The following TRIM37 variants were observed in gnomAD, a reference collection of about 807,000 sequenced individuals.
TRIM37 encodes E3 ubiquitin-protein ligase TRIM37.
TRIM37 carries 80 observed loss-of-function variants against 129.8 expected under a neutral mutation model. The ratio of observed to expected loss-of-function variants is 0.62; its 90% CI spans 0.51 to 0.74. The LOEUF is 0.74. TRIM37 is among the 30% of genes least tolerant of loss of function. TRIM37 has a pLI of 0.00. For missense variants in TRIM37, 1,054 were observed against 1,176.5 expected (o/e 0.90, Z 1.52); for synonymous variants, 389 against 387.1 (o/e 1.00, Z -0.06).
rs78630697 is a variant in TRIM37 at position 59,036,755 on chromosome 17, A to C, written c.1754-4665T>G. Among the ~76,000 whole-genome samples, 134 of 152,198 alleles carry C rather than the reference A, an allele frequency of 8.8e-4. 5 individuals are homozygous for C. In the East Asian group the frequency reaches 0.025, roughly 28 times the overall value. ...ATATAAGCCCAATCATCCCCTTTTT[A>C]ACGCATAACTTAACATCGTAATTCT... is the stretch of plus-strand genomic sequence containing the variant. On this transcript the variant is annotated intron_variant, in intron 17 of 23. Coordinates refer to ENST00000262294, the MANE Select transcript of TRIM37 (RefSeq NM_015294.6).
downstream of TRIM37, chr17:58,982,562 G>A (rs777531778): frequency 1.3e-5 from 3 of 239,706 alleles, no homozygotes; most frequent in Non-Finnish European, 1.6e-5. Context: ...TAAAATCTCT[G>A]AATTTTAAAG....
At chr17:59,069,371 T>C (rs2042181087) in intron 9 of TRIM37, among the ~76,000 whole-genome samples, 1 of 150,992 alleles carries the variant, frequency 6.6e-6, no homozygotes, top group African/African-American at 2.4e-5. Context: ...AAATAATAAA[T>C]TAAAAAAATA....
At chr17:58,972,230 G>C in the TRIM37 span, 1 of 1,614,130 alleles carries the variant, frequency 6.2e-7, no homozygotes. Flanking sequence ...TTGTGAGAAA[G>C]GGCCAAGCTG....
chr17:59,082,198 G>A (rs909265464), intron 5 of TRIM37, among the ~76,000 whole-genome samples: 2 of 152,066 alleles, frequency 1.3e-5, no homozygotes, highest in Non-Finnish European at 2.9e-5. Context: ...TTGAAGCCGG[G>A]AGGCGGAGGT....
At chr17:58,980,945 A>G (rs760208338), downstream of TRIM37, 21 of 1,614,098 alleles carry the variant, frequency 1.3e-5, no homozygotes, top group Non-Finnish European at 1.8e-5. This position sits in a 1 kb window ranked among gnomAD's most constrained non-coding sequence, Gnocchi z 4.7. Context: ...AAATAGTTGG[A>G]AAGGGTACAG....
chr17:59,101,761 C>T (rs551449111), intron 2 of TRIM37, among the ~76,000 whole-genome samples: 1 of 145,916 alleles, frequency 6.9e-6, no homozygotes, highest in South Asian at 2.2e-4. Context: ...CATATATACA[C>T]ACACATATAT....
chr17:58,984,607 CA>C (rs2031624342), intron 24 of TRIM37: 1 of 152,532 alleles, frequency 6.6e-6, no homozygotes, highest in African/African-American at 2.4e-5. Context: ...CTTTGAAAAT[CA>C]CGTGATGTTA....
At chr17:58,969,936 C>A in the TRIM37 span, among the ~76,000 whole-genome samples, 1 of 152,158 alleles carries the variant, frequency 6.6e-6, no homozygotes, top group Non-Finnish European at 1.5e-5. Flanking sequence ...TATAGAAAAT[C>A]TCAAGCTGTA....
At chr17:59,017,255 T>C (rs778172495) in intron 20 of TRIM37, 41 bp downstream of exon 20, 1 of 1,603,446 alleles carries the variant, frequency 6.2e-7, no homozygotes, top group Admixed American at 1.7e-5. Context: ...GTAATAAATA[T>C]TTACCCCACT....
intron 19 of TRIM37, among the ~76,000 whole-genome samples, chr17:59,026,187 A>G (rs1180831969): frequency 6.6e-6 from 1 of 152,212 alleles, no homozygotes; most frequent in Non-Finnish European, 1.5e-5. Context: ...TTTTCAACAA[A>G]TAGTGCTGGG....
intron 10 of TRIM37, among the ~76,000 whole-genome samples, chr17:59,063,111 C>A (rs567454932): frequency 2.0e-5 from 3 of 149,524 alleles, no homozygotes; most frequent in Non-Finnish European, 4.4e-5. Flanking sequence ...GTTTTAGCCA[C>A]AAAAGTAACC....
intron 10 of TRIM37, 59 bp from the exon 11 acceptor site, chr17:59,062,707 G>A: frequency 4.8e-6 from 7 of 1,448,158 alleles, no homozygotes; most frequent in Non-Finnish European, 6.8e-6. Context: ...AATGGCAACA[G>A]GCAAAAAGAA....
At chr17:59,019,697 G>T (rs1394083759) in intron 19 of TRIM37, among the ~76,000 whole-genome samples, 1 of 151,090 alleles carries the variant, frequency 6.6e-6, no homozygotes, top group Admixed American at 6.6e-5. Flanking sequence ...AACAGGGAGA[G>T]ACTCCGTCTC....
intron 24 of TRIM37, among the ~76,000 whole-genome samples, chr17:58,989,916 TG>T (rs2144074551): frequency 6.6e-6 from 1 of 151,832 alleles, no homozygotes; most frequent in African/African-American, 2.4e-5. Flanking sequence ...CTAGGTGAGG[TG>T]GGTCACACCT....
At chr17:59,065,257 C>T (rs548375234) in intron 9 of TRIM37, among the ~76,000 whole-genome samples, 1 of 152,252 alleles carries the variant, frequency 6.6e-6, no homozygotes, top group South Asian at 2.1e-4. Flanking sequence ...AATGAAACAA[C>T]AGTCAGTGAT....
chr17:59,053,251 C>G (rs2040520596), intron 13 of TRIM37, among the ~76,000 whole-genome samples: 1 of 152,092 alleles, frequency 6.6e-6, no homozygotes, highest in South Asian at 2.1e-4. Flanking sequence ...AAGAATGAAA[C>G]ATACATTCAT....
intron 23 of TRIM37, among the ~76,000 whole-genome samples, chr17:59,001,257 G>T (rs2033711832): frequency 6.7e-6 from 1 of 148,960 alleles, no homozygotes; most frequent in Non-Finnish European, 1.5e-5. Flanking sequence ...TGTTTCTTTT[G>T]CTTGGTTTTT....
chr17:59,070,759 G>A, intron 9 of TRIM37, 64 bp downstream of exon 9: 1 of 1,478,970 alleles, frequency 6.8e-7, no homozygotes, highest in Non-Finnish European at 9.3e-7. Context: ...ACATTCTTTT[G>A]AAACAAGTAT....
intron 16 of TRIM37, among the ~76,000 whole-genome samples, chr17:59,042,741 C>T (rs576148364): frequency 1.3e-5 from 2 of 150,550 alleles, no homozygotes; most frequent in South Asian, 2.1e-4. Context: ...TCAGCCTGGA[C>T]GACAGAGCGA....
Sources: allele counts gnomAD v4.1 joint callset (sites outside exome capture counted in the v4.1 genomes callset), GRCh38; gene constraint gnomAD v4.1.1; non-coding constraint Gnocchi (gnomAD v3.1); transcripts MANE v1.5; gene names NCBI Gene and HGNC (gene_info 2026-07-23, HGNC 2026-07-21).